The following CREBL2 variants were observed in gnomAD, a reference collection of about 807,000 sequenced individuals.
CREBL2 encodes the protein cAMP responsive element binding protein like 2.
Under a neutral mutation model 19.5 loss-of-function variants are expected in CREBL2, and 4 were observed. That is an observed-to-expected ratio of 0.20 (90% confidence interval 0.10 to 0.47). The LOEUF is 0.47. Ranked by LOEUF, CREBL2 falls within the 20% of genes least tolerant of loss-of-function variation. The pLI, the probability that CREBL2 is intolerant of heterozygous loss-of-function variation, is 0.98. For synonymous variants in CREBL2, 42 were observed against 46.6 expected, an observed-to-expected ratio of 0.90 and a Z score of 0.40; for missense variants, 85 against 145.1, an observed-to-expected ratio of 0.59 and a Z score of 2.13.
intron 1 of CREBL2, among the ~76,000 whole-genome samples, chr12:12,618,486 A>G (rs1273149307): frequency 6.6e-6 from 1 of 151,574 alleles, no homozygotes; most frequent in African/African-American, 2.4e-5. Context: ...GGCCGGGCAG[A>G]GACGCTCCTC....
At chr12:12,613,674 A>AG (rs1286957929) in intron 1 of CREBL2, among the ~76,000 whole-genome samples, 2 of 152,196 alleles carry the variant, frequency 1.3e-5, no homozygotes, top group Non-Finnish European at 1.5e-5. Context: ...CCAAGACAGA[A>AG]GGGGGGCGAG....
At chr12:12,618,314 C>T (rs111558373) in intron 1 of CREBL2, among the ~76,000 whole-genome samples, 42 of 150,750 alleles carry the variant, frequency 2.8e-4, no homozygotes, top group Non-Finnish European at 1.9e-4. Context: ...ACTTCTCAGA[C>T]GGGGCAGCCG....
chr12:12,622,574 T>C (rs1945367512), intron 1 of CREBL2, among the ~76,000 whole-genome samples: 1 of 152,172 alleles, frequency 6.6e-6, no homozygotes, highest in Non-Finnish European at 1.5e-5. Context: ...AGAAGTTAAC[T>C]CTCAGGCTAG....
At chr12:12,632,296 C>T (rs1191631762) in intron 1 of CREBL2, among the ~76,000 whole-genome samples, 3 of 151,620 alleles carry the variant, frequency 2.0e-5, no homozygotes, top group Non-Finnish European at 4.4e-5. Flanking sequence ...TCAGGATGGT[C>T]TCGATCTCCT....
intron 2 of CREBL2, 120 bp downstream of exon 2, chr12:12,636,094 A>G: frequency 1.0e-6 from 1 of 975,890 alleles, no homozygotes; most frequent in Non-Finnish European, 1.5e-6. Flanking sequence ...GAGAATATTA[A>G]TCTGTTAGCC....
At chr12:12,640,515 AC>A (rs902699683) in intron 3 of CREBL2, among the ~76,000 whole-genome samples, 5 of 152,172 alleles carry the variant, frequency 3.3e-5, no homozygotes, top group African/African-American at 1.2e-4. Flanking sequence ...GTTCCAACAC[AC>A]ATTTTACAAT....
intron 2 of CREBL2, among the ~76,000 whole-genome samples, chr12:12,636,613 GGGT>G (rs1945477600): frequency 6.6e-6 from 1 of 152,004 alleles, no homozygotes; most frequent in Non-Finnish European, 1.5e-5. Flanking sequence ...AGTAGAGATG[GGGT>G]TTCACTGCAT....
intron 1 of CREBL2, among the ~76,000 whole-genome samples, chr12:12,631,388 CA>C (rs1945441260): frequency 6.6e-6 from 1 of 152,190 alleles, no homozygotes; most frequent in African/African-American, 2.4e-5. Flanking sequence ...GTTTTAAAGC[CA>C]GCTGTTTAAA....
At chr12:12,633,851 G>A (rs1945457015) in intron 1 of CREBL2, among the ~76,000 whole-genome samples, 1 of 152,176 alleles carries the variant, frequency 6.6e-6, no homozygotes, top group African/African-American at 2.4e-5. Context: ...TGCTATCTGG[G>A]AAGGCACCTA....
At position 12,645,038 on chromosome 12, in the gene CREBL2, G is replaced by T. The variant is rs1331031228; in HGVS notation, c.*3040G>T. 1 of 152,152 alleles carries T rather than the reference G, an allele frequency of 6.6e-6. No homozygotes were observed. Among genetic ancestry groups the T allele is most frequent in the Non-Finnish European group, 1.5e-5 (1 of 68,034 alleles). 9.4% of individuals were successfully genotyped at this position (152,152 alleles called of 1,614,324 possible). On this transcript the variant is annotated 3_prime_UTR_variant, in exon 4 of 4. Coordinates refer to ENST00000228865, the MANE Select transcript of CREBL2 (RefSeq NM_001310.4). ...GAGGATAACTTTCACAGGGTAATTGGTAGGCTAAATAGGAGTTACAGAAAA... is the reference window on the plus strand; with the variant it reads ...GAGGATAACTTTCACAGGGTAATTGTTAGGCTAAATAGGAGTTACAGAAAA...
chr12:12,641,481 G>A (rs1945521618), intron 3 of CREBL2, among the ~76,000 whole-genome samples: 1 of 151,404 alleles, frequency 6.6e-6, no homozygotes, highest in South Asian at 2.1e-4. Flanking sequence ...CTAATTTTTT[G>A]TATTTTTAGT....
At chr12:12,641,073 G>A (rs997729132) in intron 3 of CREBL2, among the ~76,000 whole-genome samples, 2 of 151,442 alleles carry the variant, frequency 1.3e-5, no homozygotes, top group Admixed American at 6.6e-5. Flanking sequence ...TAAAGTGGGA[G>A]TCCATATGTT....
chr12:12,614,783 AAC>A (rs1945296369), intron 1 of CREBL2: 1 of 383,852 alleles, frequency 2.6e-6, no homozygotes, highest in Non-Finnish European at 5.1e-6. Context: ...TTTTGTTTAC[AAC>A]AATGCCAACA....
chr12:12,633,552 G>GA (rs1293321904), intron 1 of CREBL2, among the ~76,000 whole-genome samples: 2 of 152,234 alleles, frequency 1.3e-5, no homozygotes, highest in Non-Finnish European at 2.9e-5. Context: ...CTGGCTTTAA[G>GA]ACGGTGATGG....
intron 3 of CREBL2, among the ~76,000 whole-genome samples, chr12:12,638,654 TA>T (rs1300130376): frequency 1.3e-5 from 2 of 152,148 alleles, no homozygotes; most frequent in African/African-American, 4.8e-5. Context: ...ATATTTATCT[TA>T]AATATTCCCT....
chr12:12,636,011 T>C (rs1945472067), intron 2 of CREBL2, 37 bp downstream of exon 2: 2 of 1,558,248 alleles, frequency 1.3e-6, no homozygotes, highest in Non-Finnish European at 1.8e-6. Context: ...AAAAATCACC[T>C]TAACAGTCAA....
intron 1 of CREBL2, among the ~76,000 whole-genome samples, chr12:12,621,131 C>T (rs1320543625): frequency 6.6e-6 from 1 of 152,214 alleles, no homozygotes; most frequent in Non-Finnish European, 1.5e-5. Context: ...CATATGGTCT[C>T]TGTTGGAATT....
Position 12,643,596 on chromosome 12 carries a change from G to A in CREBL2, c.*1598G>A, listed in dbSNP as rs1260619641. On this transcript the variant is annotated 3_prime_UTR_variant, in exon 4 of 4. Coordinates refer to ENST00000228865, the MANE Select transcript of CREBL2 (RefSeq NM_001310.4). ...CCCTCTTCTCTCAGGCCATGCATTTGAATAAAGTGCCTCCCTTAGCCTGAG... is the reference window on the plus strand; with the variant it reads ...CCCTCTTCTCTCAGGCCATGCATTTAAATAAAGTGCCTCCCTTAGCCTGAG... 6.6e-6 allele frequency: 1 copy of A among 152,176 alleles called. No individual in the cohort carries two copies. The highest frequency in any genetic ancestry group is 2.4e-5 in the African/African-American group (1 of 41,426). The allele number at this position is 152,176 out of a possible 1,614,324, so 9.4% of individuals were successfully genotyped here.
Position 12,641,247 on chromosome 12 carries a change from A to ATTT in CREBL2, c.359-745_359-744insTTT, listed in dbSNP as rs1380373401. Among the ~76,000 whole-genome samples, 39 of 22,058 alleles carry ATTT rather than the reference A, an allele frequency of 1.8e-3. 1 individual carries two copies. Among genetic ancestry groups the ATTT allele is most frequent in the East Asian group, 4.2e-3 (4 of 944 alleles). The allele number at this position is 22,058 out of a possible 152,430, so 14.5% of individuals were successfully genotyped here. A position where few individuals can be genotyped will look rare whatever the true frequency, so the allele number is the denominator to read the frequency against. On this transcript the variant is annotated intron_variant, in intron 3 of 3. Coordinates refer to ENST00000228865, the MANE Select transcript of CREBL2 (RefSeq NM_001310.4). ...AACCTTTATTATTATTATTATTATT[A>ATTT]TTATTATTTTTTTTTATTTTTTTTT...
Sources: allele counts gnomAD v4.1 joint callset (sites outside exome capture counted in the v4.1 genomes callset), GRCh38; gene constraint gnomAD v4.1.1; transcripts MANE v1.5; gene names NCBI Gene and HGNC (gene_info 2026-07-23, HGNC 2026-07-21).